The following AMOTL1 variants were observed in gnomAD, a reference collection of about 807,000 sequenced individuals.
The protein encoded by AMOTL1 is angiomotin-like protein 1.
Under a neutral mutation model 102.9 loss-of-function variants are expected in AMOTL1, and 45 were observed. The observed-to-expected ratio is 0.44, with a 90% CI of 0.34 to 0.56. AMOTL1 has a LOEUF of 0.56. AMOTL1 is among the 20% of genes least tolerant of loss of function. The pLI is 0.01. For missense variants in AMOTL1, 1,114 were observed against 1,225.6 expected, an observed-to-expected ratio of 0.91 and a Z score of 1.36; for synonymous variants, 481 against 484.7, an observed-to-expected ratio of 0.99 and a Z score of 0.10.
At chr11:94,747,234 G>T (rs980727688) in intron 3 of AMOTL1, among the ~76,000 whole-genome samples, 1 of 152,116 alleles carries the variant, frequency 6.6e-6, no homozygotes, top group Admixed American at 6.5e-5. Flanking sequence ...CAAGCAAACT[G>T]GTTCCTTGTT....
intron 9 of AMOTL1, among the ~76,000 whole-genome samples, chr11:94,861,865 A>G (rs1374087268): frequency 2.0e-5 from 3 of 152,184 alleles, no homozygotes; most frequent in Admixed American, 1.3e-4. Flanking sequence ...CGGGAAATGA[A>G]TGAGTCCAAA....
At chr11:94,849,649 C>T (rs1274028331) in intron 6 of AMOTL1, among the ~76,000 whole-genome samples, 1 of 152,200 alleles carries the variant, frequency 6.6e-6, no homozygotes, top group Non-Finnish European at 1.5e-5. Flanking sequence ...AAGCTCCCCT[C>T]TGCTGTCTAG....
At chr11:94,731,974 C>T (rs1350842458) in intron 2 of AMOTL1, among the ~76,000 whole-genome samples, 13 of 152,206 alleles carry the variant, frequency 8.5e-5, no homozygotes, top group Admixed American at 8.5e-4. Context: ...TGTGCATTCT[C>T]ATCCAAGCTC....
At chr11:94,715,056 T>A (rs940934361) in intron 1 of AMOTL1, among the ~76,000 whole-genome samples, 1 of 152,168 alleles carries the variant, frequency 6.6e-6, no homozygotes, top group Admixed American at 6.6e-5. Context: ...ATTCTGATGT[T>A]GTTTCTTCAT....
chr11:94,854,227 A>G (rs333025), intron 8 of AMOTL1, 145 bp downstream of exon 8: 67,314 of 1,091,868 alleles, frequency 0.062, 6,235 homozygotes, highest in African/African-American at 0.39. Context: ...GAACCCATAC[A>G]ACAACCAGGA....
rs116459096 is a variant in AMOTL1, at chr11:94,856,781, G to A, written c.1944+2699G>A. On this transcript the variant is annotated intron_variant, in intron 8 of 12. Transcript: ENST00000433060. ...CCCTCAACAGAACAACAGACCAACC[G>A]CATGGACTCACCACTTCCCATAGGG... Among the ~76,000 whole-genome samples, 344 of 152,244 alleles carry A rather than the reference G, an allele frequency of 2.3e-3. 2 individuals carry two copies. The highest frequency in any genetic ancestry group is 8.0e-3 in the African/African-American group (333 of 41,528).
chr11:94,780,582 A>G lies in AMOTL1; in HGVS notation c.49+12022A>G, dbSNP rs149641470. Among the ~76,000 whole-genome samples the G allele has an allele frequency of 9.2e-5, 14 of 152,322 alleles. No individual in the cohort carries two copies. In the East Asian group the frequency reaches 2.7e-3, roughly 29 times the overall value. The stretch of plus-strand genomic sequence containing the variant: ...CTGTTCTATTTTAAAGAGCTCACTG[A>G]TTTGATCATCTCTTGAAAGTGAACT... On this transcript the variant is annotated intron_variant, in intron 1 of 12. Coordinates refer to ENST00000433060, the MANE Select transcript of AMOTL1 (RefSeq NM_130847.3).
In AMOTL1 at chr11:94,799,697, T is replaced by C. The variant is rs775951169; in HGVS notation, c.507T>C (p.Asn169=). 3.1e-6 allele frequency: 5 copies of C among 1,613,794 alleles called. No homozygotes were observed. In the South Asian group the frequency reaches 5.5e-5, roughly 18 times the overall value. The part of the protein sequence containing the change: ...EPQGQEHQVD[N]TVMEKQVRST... ...AGGGTCAAGAACACCAGGTGGACAA[T>C]ACGGTGATGGAGAAACAGGTCCGGT... Residue 169 remains asparagine (N), a synonymous_variant, in exon 3 of 13, where the codon AAT becomes AAC. Coordinates refer to ENST00000433060, the MANE Select transcript of AMOTL1 (RefSeq NM_130847.3). This position sits in a 1 kb window ranked among gnomAD's most constrained non-coding sequence, Gnocchi z 4.5.
chr11:94,764,053 C>A (rs1395621810), upstream of AMOTL1, among the ~76,000 whole-genome samples: 1 of 152,176 alleles, frequency 6.6e-6, no homozygotes, highest in African/African-American at 2.4e-5. Flanking sequence ...TGCTTTCCTT[C>A]CTTGTGTCCA....
At chr11:94,760,024 G>A (rs73512503) in intron 3 of AMOTL1, among the ~76,000 whole-genome samples, 14,730 of 152,190 alleles carry the variant, frequency 0.097, 1,447 homozygotes, top group East Asian at 0.28. Context: ...ACTCTGGAGC[G>A]GGGCCCTGCA....
At chr11:94,763,502 G>A (rs963040265), upstream of AMOTL1, among the ~76,000 whole-genome samples, 2 of 152,128 alleles carry the variant, frequency 1.3e-5, no homozygotes, top group Admixed American at 6.5e-5. Flanking sequence ...AGTCACGGGC[G>A]CTGACCCCCT....
intron 7 of AMOTL1, among the ~76,000 whole-genome samples, chr11:94,850,946 T>G (rs183606214): frequency 1.1e-4 from 17 of 152,288 alleles, no homozygotes; most frequent in Non-Finnish European, 2.4e-4. Context: ...AAAAAAACTG[T>G]CTCTTCAGAA....
At chr11:94,735,236 A>G (rs939330093) in intron 2 of AMOTL1, among the ~76,000 whole-genome samples, 11 of 152,242 alleles carry the variant, frequency 7.2e-5, no homozygotes, top group African/African-American at 2.7e-4. Context: ...CCAGACTGCT[A>G]CAGGGCAGGT....
chr11:94,813,282 C>T (rs1005930496), intron 3 of AMOTL1, among the ~76,000 whole-genome samples: 17 of 152,184 alleles, frequency 1.1e-4, no homozygotes, highest in Admixed American at 9.2e-4. Flanking sequence ...CAGAATAAGT[C>T]CAGCAGATCC....
intron 3 of AMOTL1, among the ~76,000 whole-genome samples, chr11:94,751,473 G>A (rs1950653034): frequency 6.6e-6 from 1 of 152,086 alleles, no homozygotes; most frequent in Admixed American, 6.5e-5. Context: ...AATTTGGGGC[G>A]AGGCGGTAGA....
chr11:94,743,821 G>C (rs1950559222), intron 3 of AMOTL1, among the ~76,000 whole-genome samples: 1 of 151,904 alleles, frequency 6.6e-6, no homozygotes, highest in African/African-American at 2.4e-5. Context: ...ACCATGCCCA[G>C]CTAATTTTTG....
At chr11:94,721,526 C>T (rs1950173922) in intron 1 of AMOTL1, among the ~76,000 whole-genome samples, 1 of 151,842 alleles carries the variant, frequency 6.6e-6, no homozygotes, top group Non-Finnish European at 1.5e-5. Context: ...TCAAGGTAGG[C>T]CCCCATGATG....
chr11:94,752,084 A>G (rs1950663074), intron 3 of AMOTL1, among the ~76,000 whole-genome samples: 1 of 151,992 alleles, frequency 6.6e-6, no homozygotes. Flanking sequence ...GTTTTTTATT[A>G]CTCTCACACT....
chr11:94,799,216 A>C lies in AMOTL1; in HGVS notation c.200-174A>C, dbSNP rs1951421545. Among the ~76,000 whole-genome samples, 1 of 152,142 alleles carries C rather than the reference A, an allele frequency of 6.6e-6. No homozygotes were observed. The highest frequency in any genetic ancestry group is 1.5e-5 in the Non-Finnish European group (1 of 68,026). On this transcript the variant is annotated intron_variant, in intron 2 of 12. Transcript: ENST00000433060. This position sits in a 1 kb window ranked among gnomAD's most constrained non-coding sequence, Gnocchi z 4.5. ...AGTGCAGAATAGTAGACTCGCTTTG[A>C]ATTGGAGAAGAAAATTCCATGAGAC...
Sources: allele counts gnomAD v4.1 joint callset (sites outside exome capture counted in the v4.1 genomes callset), GRCh38; gene constraint gnomAD v4.1.1; non-coding constraint Gnocchi (gnomAD v3.1); transcripts MANE v1.5; gene names NCBI Gene and HGNC (gene_info 2026-07-23, HGNC 2026-07-21).